The following DAB1 variants were observed in gnomAD, a reference collection of about 807,000 sequenced individuals.
The protein encoded by DAB1 is DAB adaptor protein 1, also known as disabled homolog 1.
A neutral mutation model predicts 64.6 loss-of-function variants in DAB1; 15 were observed. The ratio of observed to expected loss-of-function variants is 0.23; its 90% confidence interval spans 0.16 to 0.36. The LOEUF is 0.36. Among genes scored for constraint, DAB1 ranks in the 10% least tolerant of loss-of-function variants. The pLI, the probability that DAB1 is intolerant of heterozygous loss-of-function variation, is 1.00. For missense variants in DAB1, 596 were observed against 706.7 expected, an observed-to-expected ratio of 0.84 and a Z score of 1.78; for synonymous variants, 235 against 251.9, an observed-to-expected ratio of 0.93 and a Z score of 0.64.
At chr1:57,321,149 G>A (rs34458695) in intron 1 of DAB1, among the ~76,000 whole-genome samples, 3,164 of 152,174 alleles carry the variant, frequency 0.021, 40 homozygotes, top group South Asian at 0.036. Context: ...TCTCCCTTTG[G>A]CCACCGTATT....
intron 1 of DAB1, chr1:58,530,637 TGCCAAGCTATCTCGAGGACAAATG>T: frequency 1.1e-6 from 1 of 872,784 alleles, no homozygotes; most frequent in South Asian, 1.3e-5. Context: ...GGCACAAAAG[TGCCAAGCTATCTCGAGGACAAATG>T]GCCCAAATCA....
intron 3 of DAB1, among the ~76,000 whole-genome samples, chr1:58,379,757 G>C (rs1016886736): frequency 6.6e-6 from 1 of 152,160 alleles, no homozygotes; most frequent in African/African-American, 2.4e-5. Context: ...ATAAAGTCAA[G>C]CTGGGATGAG....
chr1:58,051,383 CT>C (rs1647656084), intron 5 of DAB1, among the ~76,000 whole-genome samples: 1 of 152,056 alleles, frequency 6.6e-6, no homozygotes. Flanking sequence ...TGAGCTCATC[CT>C]TTTTTATGGC....
intron 7 of DAB1, among the ~76,000 whole-genome samples, chr1:57,476,930 AC>A (rs1643945892): frequency 6.6e-6 from 1 of 152,190 alleles, no homozygotes; most frequent in African/African-American, 2.4e-5. Flanking sequence ...TAGGCAATTT[AC>A]TTAATGGGTC....
chr1:57,804,579 C>T (rs918000111), intron 6 of DAB1, among the ~76,000 whole-genome samples: 26 of 152,344 alleles, frequency 1.7e-4, no homozygotes, highest in South Asian at 6.2e-4. Context: ...CCAGTCTCTT[C>T]CTCCTAAGCT....
intron 7 of DAB1, among the ~76,000 whole-genome samples, chr1:57,607,899 G>T (rs1645676593): frequency 6.6e-6 from 1 of 152,142 alleles, no homozygotes; most frequent in Non-Finnish European, 1.5e-5. Context: ...AGTAGATTCA[G>T]CTGACAAGCA....
chr1:57,320,460 AT>A (rs1430318158), intron 1 of DAB1, among the ~76,000 whole-genome samples: 2 of 152,230 alleles, frequency 1.3e-5, no homozygotes, highest in Admixed American at 1.3e-4. Flanking sequence ...TAGAGCATTA[AT>A]GAAAAAATAG....
At chr1:57,853,340 G>A (rs1202568712) in intron 1 of DAB1, among the ~76,000 whole-genome samples, 1 of 151,940 alleles carries the variant, frequency 6.6e-6, no homozygotes, top group South Asian at 2.1e-4. Flanking sequence ...AGCTAAGTTG[G>A]TGATATACTG....
intron 1 of DAB1, among the ~76,000 whole-genome samples, chr1:57,368,282 G>A (rs982271801): frequency 3.9e-5 from 6 of 152,222 alleles, no homozygotes; most frequent in Non-Finnish European, 8.8e-5. Context: ...GCAGCAGGAG[G>A]GAGACAGGTT....
intron 5 of DAB1, among the ~76,000 whole-genome samples, chr1:57,990,197 C>T (rs1646310822): frequency 6.6e-6 from 1 of 152,114 alleles, no homozygotes; most frequent in African/African-American, 2.4e-5. Flanking sequence ...TCATCTGAGT[C>T]CAAAATAATG....
intron 5 of DAB1, among the ~76,000 whole-genome samples, chr1:57,912,043 G>C (rs1395088388): frequency 6.6e-6 from 1 of 152,184 alleles, no homozygotes; most frequent in African/African-American, 2.4e-5. Flanking sequence ...TAAAGCCTGA[G>C]GGGGAGGGGA....
chr1:57,820,032 T>C (rs1463281895), intron 6 of DAB1, among the ~76,000 whole-genome samples: 1 of 152,200 alleles, frequency 6.6e-6, no homozygotes, highest in East Asian at 1.9e-4. Context: ...CATTATCTCA[T>C]TTGGTCTTCA....
At chr1:58,109,041 C>T (rs1328088525) in intron 5 of DAB1, among the ~76,000 whole-genome samples, 1 of 152,176 alleles carries the variant, frequency 6.6e-6, no homozygotes, top group Non-Finnish European at 1.5e-5. Context: ...AACTGTGTTC[C>T]AGACACCACC....
At chr1:57,260,503 A>T (rs757987284) in intron 2 of DAB1, among the ~76,000 whole-genome samples, 17 of 152,210 alleles carry the variant, frequency 1.1e-4, no homozygotes, top group Non-Finnish European at 2.1e-4. Flanking sequence ...CACAAATCAA[A>T]CATGAGTCAA....
chr1:58,136,048 T>C (rs979385552), intron 5 of DAB1, among the ~76,000 whole-genome samples: 1 of 151,156 alleles, frequency 6.6e-6, no homozygotes, highest in Non-Finnish European at 1.5e-5. Flanking sequence ...TGCAACAAAG[T>C]GTTTGCTGAG....
At chr1:57,629,684 C>T (rs1259120161) in intron 7 of DAB1, among the ~76,000 whole-genome samples, 1 of 149,954 alleles carries the variant, frequency 6.7e-6, no homozygotes. Context: ...AAATCTTTCA[C>T]AATGCTGCCT....
At chr1:58,133,185 T>C (rs1403353247) in intron 5 of DAB1, among the ~76,000 whole-genome samples, 1 of 152,188 alleles carries the variant, frequency 6.6e-6, no homozygotes, top group Non-Finnish European at 1.5e-5. Context: ...ACTTTTTTAG[T>C]CTCAACACTT....
At chr1:58,147,376 C>T (rs2806397) in intron 5 of DAB1, among the ~76,000 whole-genome samples, 78,883 of 148,884 alleles carry the variant, frequency 0.53, 24,331 homozygotes, top group East Asian at 0.86. Flanking sequence ...CCCAGCACTT[C>T]GGGAGGCCGA....
chr1:58,031,759 A>T (rs917702884), intron 5 of DAB1, among the ~76,000 whole-genome samples: 1 of 152,208 alleles, frequency 6.6e-6, no homozygotes, highest in African/African-American at 2.4e-5. Flanking sequence ...ATCAAAGCTC[A>T]TAATGGGATA....
Sources: gnomAD v4.1 joint callset for allele counts (sites outside exome capture counted in the v4.1 genomes callset) on GRCh38, gnomAD v4.1.1 for gene constraint, MANE v1.5 for transcripts, NCBI Gene and HGNC (gene_info 2026-07-23, HGNC 2026-07-21) for gene names.